ZDHHC2: variants seen among roughly 807,000 people sequenced by gnomAD.
ZDHHC2 encodes palmitoyltransferase ZDHHC2.
ZDHHC2 carries 51 observed loss-of-function variants against 55.6 expected under a neutral mutation model. The observed-to-expected ratio is 0.92, with a 90% confidence interval of 0.73 to 1.16. The LOEUF is 1.16. Ranked by LOEUF, ZDHHC2 falls within the 50% of genes most tolerant of loss-of-function variation. The pLI is 0.00. For missense variants in ZDHHC2, 491 were observed against 442.4 expected, an observed-to-expected ratio of 1.11 and a Z score of -0.99; for synonymous variants, 199 against 152.9, an observed-to-expected ratio of 1.30 and a Z score of -2.22.
At chr8:17,215,370 C>G in intron 11 of ZDHHC2, 21 bp downstream of exon 11, 1 of 1,541,974 alleles carries the variant, frequency 6.5e-7, no homozygotes, top group Non-Finnish European at 8.8e-7. Context: ...GCTTGTTTGG[C>G]TGTTTTTTGA....
intron 6 of ZDHHC2, among the ~76,000 whole-genome samples, chr8:17,202,011 G>T (rs2959623): frequency 0.64 from 97,568 of 151,926 alleles, 32,756 homozygotes; most frequent in Non-Finnish European, 0.76. Context: ...TTTGCTTTAT[G>T]GGATTTTCTA....
chr8:17,195,489 A>G lies in ZDHHC2; in HGVS notation c.253-15A>G. 6.2e-7 allele frequency: 1 copy of G among 1,606,412 alleles called. No homozygotes were observed. The highest frequency in any genetic ancestry group is 1.7e-5 in the Admixed American group (1 of 58,704). ...TCTTTGAAAATACTGATTAAGATTT[A>G]AATGTATTCCACAGTTCCATCTCTC... On this transcript the variant is annotated splice_polypyrimidine_tract_variant and intron_variant, in intron 3 of 12. Coordinates refer to ENST00000262096, the MANE Select transcript of ZDHHC2 (RefSeq NM_016353.5).
chr8:17,160,856 C>T (rs1804309519), intron 1 of ZDHHC2, among the ~76,000 whole-genome samples: 1 of 152,196 alleles, frequency 6.6e-6, no homozygotes, highest in South Asian at 2.1e-4. Flanking sequence ...ATGGGCGTGG[C>T]TTTTATTCAA....
At chr8:17,161,905 T>C (rs1444456383) in intron 1 of ZDHHC2, among the ~76,000 whole-genome samples, 1 of 152,198 alleles carries the variant, frequency 6.6e-6, no homozygotes, top group Non-Finnish European at 1.5e-5. Flanking sequence ...TTGTTGGCAA[T>C]ATGATTCAAA....
chr8:17,168,090 A>T (rs937750698), intron 1 of ZDHHC2, among the ~76,000 whole-genome samples: 1 of 152,206 alleles, frequency 6.6e-6, no homozygotes, highest in Non-Finnish European at 1.5e-5. Flanking sequence ...TAAATCCGAG[A>T]TAGATACATG....
Position 17,199,599 on chromosome 8 carries a change from TTTA to T in ZDHHC2, c.476+1189_476+1191del, listed in dbSNP as rs1252825253. The stretch of plus-strand genomic sequence containing the variant: ...GTCTTCTTCTTCTTCTTTCTTCTTC[TTTA>T]TTCTTTCTTCTTCTTCTTCTTCCTT... On this transcript the variant is annotated intron_variant, in intron 6 of 12. Transcript: ENST00000262096. 1.2e-4 allele frequency among the ~76,000 whole-genome samples: 7 copies of T among 56,048 alleles called. 1 individual carries two copies. The East Asian group carries it at 1.3e-3, about 11-fold the overall frequency. 36.8% of individuals were successfully genotyped at this position (56,048 alleles called of 152,430 possible).
At chr8:17,186,742 A>G (rs933568352) in intron 3 of ZDHHC2, among the ~76,000 whole-genome samples, 3 of 152,198 alleles carry the variant, frequency 2.0e-5, no homozygotes, top group African/African-American at 7.2e-5. Context: ...ACATAATTCT[A>G]TGATAATTAT....
chr8:17,156,822 C>T lies in ZDHHC2; in HGVS notation c.99C>T (p.Ser33=). 2.0e-6 allele frequency: 3 copies of T among 1,520,872 alleles called. No individual in the cohort carries two copies. The highest frequency in any genetic ancestry group is 2.5e-5 in the South Asian group (2 of 81,444). 94.2% of individuals were successfully genotyped at this position (1,520,872 alleles called of 1,614,324 possible). A position where few individuals can be genotyped will look rare whatever the true frequency, so the allele number is the denominator to read the frequency against. The change falls in exon 1 of 13, where the codon TCC becomes TCT. Residue 33 remains serine (S), a synonymous_variant. Transcript: ENST00000262096. The stretch of plus-strand genomic sequence containing the variant: ...TCATCACCCTCCTGCTCGGCTGGTC[C>T]TACTACGCCTACGCCATCCAGCTGT... The part of the protein sequence containing the change: ...VVFITLLLGW[S]YYAYAIQLCI...
At chr8:17,199,533 T>TGTCTTCTGTCTTCGTCTTC (rs1806560020) in intron 6 of ZDHHC2, among the ~76,000 whole-genome samples, 2 of 31,258 alleles carry the variant, frequency 6.4e-5, no homozygotes, top group African/African-American at 2.3e-4. Context: ...CTTCGTCTTC[T>TGTCTTCTGTCTTCGTCTTC]GTCTTCGTCT....
rs1806434405 is a variant in ZDHHC2 at position 17,198,390 on chromosome 8, G to A, written c.453G>A (p.Leu151=). ...HHCSVCDKCI[L]KMDHHCPWVN... is the part of the protein sequence containing the mutation. Reference sequence around the variant, plus strand: ...CTGCTTTGTTTTTTAGATGTATTTTGAAGATGGATCATCATTGTCCATGGT... The same window carrying A: ...CTGCTTTGTTTTTTAGATGTATTTTAAAGATGGATCATCATTGTCCATGGT... Residue 151 remains leucine, a synonymous_variant, in exon 6 of 13, where the codon TTG becomes TTA. Coordinates refer to ENST00000262096, the MANE Select transcript of ZDHHC2 (RefSeq NM_016353.5). 6.2e-7 allele frequency: 1 copy of A among 1,602,640 alleles called. No individual in the cohort carries two copies. The highest frequency in any genetic ancestry group is 2.3e-5 in the East Asian group (1 of 44,214).
chr8:17,181,221 A>C (rs1013706952), intron 1 of ZDHHC2, among the ~76,000 whole-genome samples: 2 of 152,178 alleles, frequency 1.3e-5, no homozygotes, highest in Non-Finnish European at 2.9e-5. Flanking sequence ...ATTAGTTGTC[A>C]TGGTCTGTTT....
At chr8:17,173,247 T>C (rs1417288838) in intron 1 of ZDHHC2, among the ~76,000 whole-genome samples, 1 of 152,208 alleles carries the variant, frequency 6.6e-6, no homozygotes, top group African/African-American at 2.4e-5. Flanking sequence ...CAAACAGGCC[T>C]ATATGTAGAT....
At chr8:17,187,778 C>T (rs1307844087) in intron 3 of ZDHHC2, among the ~76,000 whole-genome samples, 1 of 152,164 alleles carries the variant, frequency 6.6e-6, no homozygotes, top group Non-Finnish European at 1.5e-5. Flanking sequence ...GTTTTGATAA[C>T]TCCCAAATCT....
chr8:17,194,078 C>T (rs1806181472), intron 3 of ZDHHC2, among the ~76,000 whole-genome samples: 1 of 152,122 alleles, frequency 6.6e-6, no homozygotes, highest in African/African-American at 2.4e-5. Flanking sequence ...TCATCCACGT[C>T]CCTGCAAAGG....
At chr8:17,169,218 G>A (rs1789530729) in intron 1 of ZDHHC2, among the ~76,000 whole-genome samples, 1 of 149,610 alleles carries the variant, frequency 6.7e-6, no homozygotes, top group Admixed American at 6.7e-5. Context: ...AGATGTATCA[G>A]TGTCACTGCA....
chr8:17,195,174 C>T (rs1031332739), intron 3 of ZDHHC2, among the ~76,000 whole-genome samples: 8 of 151,990 alleles, frequency 5.3e-5, no homozygotes, highest in African/African-American at 1.9e-4. Flanking sequence ...ATTCATTGGG[C>T]CATCTTATCT....
intron 3 of ZDHHC2, among the ~76,000 whole-genome samples, chr8:17,192,612 A>T (rs528683596): frequency 6.6e-6 from 1 of 152,272 alleles, no homozygotes; most frequent in African/African-American, 2.4e-5. Context: ...TGCTGTGCAA[A>T]AGCCTTTTAA....
chr8:17,199,174 AG>A, intron 6 of ZDHHC2, among the ~76,000 whole-genome samples: 1 of 152,174 alleles, frequency 6.6e-6, no homozygotes, highest in East Asian at 1.9e-4. Context: ...AAATATATGT[AG>A]GGAATGGTTT....
chr8:17,214,470 A>G (rs988614831), intron 10 of ZDHHC2, among the ~76,000 whole-genome samples: 4 of 152,174 alleles, frequency 2.6e-5, no homozygotes, highest in African/African-American at 9.6e-5. Context: ...CTACCATCAC[A>G]TTCATATTTT....
Sources: gnomAD v4.1 joint callset for allele counts (sites outside exome capture counted in the v4.1 genomes callset) on GRCh38, gnomAD v4.1.1 for gene constraint, MANE v1.5 for transcripts, NCBI Gene and HGNC (gene_info 2026-07-23, HGNC 2026-07-21) for gene names.